Variants in MNS1 observed in about 807,000 individuals in gnomAD.
MNS1 encodes meiosis-specific nuclear structural protein 1.
Under a neutral mutation model 72.0 loss-of-function variants are expected in MNS1, and 63 were observed. That is an observed-to-expected ratio of 0.87 (90% CI 0.71 to 1.08). MNS1 has a LOEUF of 1.08. Among genes scored for constraint, MNS1 ranks in the 50% least tolerant of loss-of-function variants. The pLI, the probability that MNS1 is intolerant of heterozygous loss-of-function variation, is 0.00. For synonymous variants in MNS1, 188 were observed against 172.1 expected, an observed-to-expected ratio of 1.09 and a Z score of -0.72; for missense variants, 604 against 562.4, an observed-to-expected ratio of 1.07 and a Z score of -0.75.
intron 4 of MNS1, among the ~76,000 whole-genome samples, chr15:56,446,184 G>A (rs1431033816): frequency 6.6e-6 from 1 of 151,964 alleles, no homozygotes; most frequent in African/African-American, 2.4e-5. Flanking sequence ...ATACACAATA[G>A]ATATGTATGT....
In MNS1 at chr15:56,460,009, A is replaced by AAAAAAAAAAAAAAATATATATATAT; in HGVS notation, c.226-3489_226-3488insATATATATATATTTTTTTTTTTTTT. Among the ~76,000 whole-genome samples, 6 of 26,386 alleles carry AAAAAAAAAAAAAAATATATATATAT rather than the reference A, an allele frequency of 2.3e-4. 1 individual carries two copies. Among genetic ancestry groups the AAAAAAAAAAAAAAATATATATATAT allele is most frequent in the Non-Finnish European group, 4.2e-4 (6 of 14,310 alleles). 17.3% of individuals were successfully genotyped at this position (26,386 alleles called of 152,430 possible). On this transcript the variant is annotated intron_variant, in intron 2 of 9. Transcript: ENST00000260453. The stretch of plus-strand genomic sequence containing the variant: ...CTGTCTCAAAAAAAAAAAAAAAAAA[A>AAAAAAAAAAAAAAATATATATATAT]ATACATATATATATATATATATATA...
At chr15:56,436,572 C>A (rs1045800600) in intron 7 of MNS1, among the ~76,000 whole-genome samples, 6 of 152,044 alleles carry the variant, frequency 3.9e-5, no homozygotes, top group African/African-American at 1.4e-4. Context: ...CAAACACATT[C>A]AAAAGCTAGC....
intron 2 of MNS1, among the ~76,000 whole-genome samples, chr15:56,462,620 A>G (rs1304986194): frequency 6.6e-6 from 1 of 152,250 alleles, no homozygotes; most frequent in East Asian, 1.9e-4. Flanking sequence ...CATGAAGTCA[A>G]AAAAGAAAAA....
In MNS1 at chr15:56,448,709, CT is replaced by C. The variant is rs557430581; in HGVS notation, c.354-1767del. Among the ~76,000 whole-genome samples the C allele has an allele frequency of 2.0e-4, 29 of 146,240 alleles. No individual in the cohort carries two copies. In the South Asian group the frequency reaches 6.3e-3, roughly 32 times the overall value. On this transcript the variant is annotated intron_variant, in intron 3 of 9. Coordinates refer to ENST00000260453, the MANE Select transcript of MNS1 (RefSeq NM_018365.4). The stretch of plus-strand genomic sequence containing the variant: ...AGCAATAAACATATAAATGCATATG[CT>C]TTTTTTGGTAGAATGATTTGCTAAT...
intron 9 of MNS1, 154 bp from the exon 10 acceptor site, chr15:56,429,347 C>A (rs1353841351): frequency 6.5e-5 from 37 of 566,796 alleles, no homozygotes; most frequent in Non-Finnish European, 4.8e-5. Context: ...CAATACTTTT[C>A]AAAAAATAAG....
rs1436207958 is a variant in MNS1, at chr15:56,453,520, GTC to G, written c.353+2872_353+2873del. Among the ~76,000 whole-genome samples, 15 of 152,266 alleles carry G rather than the reference GTC, an allele frequency of 9.9e-5. No homozygotes were observed. The South Asian group carries it at 1.4e-3, about 15-fold the overall frequency. On this transcript the variant is annotated intron_variant, in intron 3 of 9. Transcript: ENST00000260453. ...GTAATAGTATTAAGAAGGAAAAACTGTCTCTGTCTTTTCTTTGAAATGGTTTT... is the reference window on the plus strand; with the variant it reads ...GTAATAGTATTAAGAAGGAAAAACTGTCTGTCTTTTCTTTGAAATGGTTTT...
rs1444883576 is a variant in MNS1 at position 56,464,209 on chromosome 15, A to G, written c.42T>C (p.His14=). The change falls in exon 2 of 10, where the codon CAT becomes CAC. Residue 14 remains histidine (H), a synonymous_variant. Transcript: ENST00000260453. ...AGTAGTTTTCATCTACTAATTTCTG[A>G]TGCCTTTCACTACAGCTCAAATTTC... ...KRRNLSCSER[H]QKLVDENYCK... The G allele has an allele frequency of 1.9e-6, 3 of 1,613,700 alleles. No individual in the cohort carries two copies. Among genetic ancestry groups the G allele is most frequent in the Non-Finnish European group, 2.5e-6 (3 of 1,179,968 alleles).
At chr15:56,452,540 A>T in intron 3 of MNS1, among the ~76,000 whole-genome samples, 1 of 146,294 alleles carries the variant, frequency 6.8e-6, no homozygotes, top group Admixed American at 6.9e-5. Flanking sequence ...TTTTTTTGAG[A>T]CAGAGTCTCT....
chr15:56,463,932 T>C, intron 2 of MNS1, 94 bp downstream of exon 2: 1 of 1,003,008 alleles, frequency 1.0e-6, no homozygotes, highest in Non-Finnish European at 1.5e-6. Context: ...CTGCTGCTGT[T>C]GTTTATCTAC....
intron 2 of MNS1, among the ~76,000 whole-genome samples, chr15:56,461,479 C>A (rs1197047302): frequency 2.0e-5 from 3 of 151,642 alleles, no homozygotes; most frequent in Admixed American, 6.6e-5. Flanking sequence ...TGGCCAACAT[C>A]GTGAAACCCC....
intron 8 of MNS1, among the ~76,000 whole-genome samples, chr15:56,433,097 C>A (rs771800980): frequency 3.3e-5 from 5 of 152,118 alleles, no homozygotes; most frequent in African/African-American, 1.2e-4. Flanking sequence ...CCTGGGCCAC[C>A]AAATCATTTT....
chr15:56,463,429 A>G (rs1200774083), intron 2 of MNS1, among the ~76,000 whole-genome samples: 1 of 152,176 alleles, frequency 6.6e-6, no homozygotes, highest in African/African-American at 2.4e-5. Flanking sequence ...TTAACTCATT[A>G]TTAAAACAAT....
Position 56,464,241 on chromosome 15 carries a change from T to C in MNS1, c.10A>G (p.Lys4Glu). The C allele has an allele frequency of 6.3e-7, 1 of 1,599,454 alleles. No individual in the cohort carries two copies. The change falls in exon 2 of 10, where the codon AAA (lysine) becomes GAA (glutamate). Residue 4 changes from lysine (K) to glutamate (E), a missense_variant. Physicochemically the swap from Lys to Glu is moderately conservative, Grantham distance 56 (BLOSUM62 1). Coordinates refer to ENST00000260453, the MANE Select transcript of MNS1 (RefSeq NM_018365.4). MGS[K>E]RRNLSCSERH... is the part of the protein sequence containing the mutation. The stretch of plus-strand genomic sequence containing the variant: ...TCACTACAGCTCAAATTTCTCCTTT[T>C]GGAACCCTACGATGGAAGAAAAAAA...
rs534045333 is a variant in MNS1 at position 56,457,424 on chromosome 15, C to T, written c.226-903G>A. ...CTATTGGAATGGCTAAAACAAAAAA[C>T]AGTGCCAACACCAGATGCTGGCAAG... is the stretch of plus-strand genomic sequence containing the variant. On this transcript the variant is annotated intron_variant, in intron 2 of 9. Coordinates refer to ENST00000260453, the MANE Select transcript of MNS1 (RefSeq NM_018365.4). Among the ~76,000 whole-genome samples, 5 of 152,244 alleles carry T rather than the reference C, an allele frequency of 3.3e-5. No individual in the cohort carries two copies. The East Asian group carries it at 9.7e-4, about 29-fold the overall frequency.
rs1303818124 is a variant in MNS1, at chr15:56,465,060, AC to A, written c.-89del. 1.3e-6 allele frequency: 2 copies of A among 1,548,118 alleles called. No homozygotes were observed. Among genetic ancestry groups the A allele is most frequent in the African/African-American group, 2.8e-5 (2 of 71,870 alleles). On this transcript the variant is annotated 5_prime_UTR_variant, in exon 1 of 10. Transcript: ENST00000260453. The stretch of plus-strand genomic sequence containing the variant: ...AGCAGCCAGCAGCCCCAAGGAGCGC[AC>A]CTGGCTGCGCGCGCTCGGGTGTTTA...
intron 1 of MNS1, 38 bp from the exon 2 acceptor site, chr15:56,464,285 T>C (rs2051043827): frequency 7.1e-7 from 1 of 1,409,142 alleles, no homozygotes; most frequent in Non-Finnish European, 9.7e-7. Flanking sequence ...TATTTTGATA[T>C]TCCAAAATCT....
intron 3 of MNS1, among the ~76,000 whole-genome samples, chr15:56,453,551 T>C (rs1034413934): frequency 1.4e-4 from 22 of 152,198 alleles, no homozygotes; most frequent in African/African-American, 5.3e-4. Context: ...TGGTTTTTGC[T>C]GAACTTAAAT....
At position 56,444,449 on chromosome 15, in the gene MNS1, A is replaced by T. The variant is rs2050872559; in HGVS notation, c.681T>A (p.Asp227Glu). ...DEIVRKIYEE[D>E]QLEKQQKLEK... Reference sequence around the variant, plus strand: ...GAAAGTTAGGATAAACTTACAACTGATCTTCTTCATAGATCTTCCTAACAA... The same window carrying T: ...GAAAGTTAGGATAAACTTACAACTGTTCTTCTTCATAGATCTTCCTAACAA... The change falls in exon 5 of 10, where the codon GAT (aspartate) becomes GAA (glutamate). Residue 227 changes from aspartate (D) to glutamate (E), a missense_variant. By Grantham distance (45) the Asp-to-Glu change is conservative. Transcript: ENST00000260453. 6.2e-7 allele frequency: 1 copy of T among 1,604,344 alleles called. No homozygotes were observed. Among genetic ancestry groups the T allele is most frequent in the Non-Finnish European group, 8.5e-7 (1 of 1,177,050 alleles).
At chr15:56,440,923 A>G (rs1272456454) in intron 7 of MNS1, among the ~76,000 whole-genome samples, 2 of 152,132 alleles carry the variant, frequency 1.3e-5, no homozygotes, top group Non-Finnish European at 2.9e-5. Context: ...CTACTTTTAG[A>G]CTATTGTGAA....
Sources: gnomAD v4.1 joint callset for allele counts (sites outside exome capture counted in the v4.1 genomes callset) on GRCh38, gnomAD v4.1.1 for gene constraint, MANE v1.5 for transcripts, NCBI Gene and HGNC (gene_info 2026-07-23, HGNC 2026-07-21) for gene names.